The following USP22 variants were observed in gnomAD, a reference collection of about 807,000 sequenced individuals.
The protein encoded by USP22 is ubiquitin carboxyl-terminal hydrolase 22.
In USP22, 22 loss-of-function variants were observed where a neutral mutation model predicts 68.1. The ratio of observed to expected loss-of-function variants is 0.32; its 90% confidence interval spans 0.23 to 0.46. The LOEUF (loss-of-function observed/expected upper bound fraction) is 0.46, where lower values mean the gene tolerates loss of function less well. USP22 is among the 20% of genes least tolerant of loss of function. The probability of loss-of-function intolerance (pLI) is 1.00; values close to 1 mark genes in which losing one functional copy is unlikely to be tolerated. For missense variants in USP22, 433 were observed against 695.8 expected (o/e 0.62, Z 4.25); for synonymous variants, 279 against 274.2 (o/e 1.02, Z -0.17).
chr17:21,007,789 A>C (rs1185308742), intron 9 of USP22, 81 bp downstream of exon 9: 23 of 1,554,830 alleles, frequency 1.5e-5, no homozygotes, highest in Non-Finnish European at 1.9e-5. Flanking sequence ...ATGTAACTGC[A>C]CAGCAAACCA....
At chr17:21,011,378 G>A in intron 7 of USP22, 69 bp from the exon 8 acceptor site, 1 of 1,535,472 alleles carries the variant, frequency 6.5e-7, no homozygotes. Flanking sequence ...AACCCGGGGT[G>A]GAAGCCGTTC....
intron 1 of USP22, among the ~76,000 whole-genome samples, chr17:21,031,798 C>T (rs1972294599): frequency 6.6e-6 from 1 of 152,200 alleles, no homozygotes; most frequent in South Asian, 2.1e-4. Flanking sequence ...ACTACACAAC[C>T]TAGGATGCTC....
At chr17:21,009,973 A>T (rs111333780) in intron 8 of USP22, among the ~76,000 whole-genome samples, 35 of 79,244 alleles carry the variant, frequency 4.4e-4, no homozygotes, top group South Asian at 1.7e-3. Context: ...AAAAAAAATT[A>T]AAAAAAAAAA....
intron 7 of USP22, among the ~76,000 whole-genome samples, chr17:21,012,268 A>G (rs1406889319): frequency 1.3e-5 from 2 of 151,902 alleles, no homozygotes; most frequent in East Asian, 1.9e-4. Context: ...TGAAAAAAAC[A>G]AAAACAAAAA....
chr17:21,021,027 G>T, intron 3 of USP22, 86 bp downstream of exon 3: 1 of 1,086,740 alleles, frequency 9.2e-7, no homozygotes, highest in Non-Finnish European at 1.4e-6. Context: ...TCCCACCTAG[G>T]TACTTCTCTT....
intron 1 of USP22, among the ~76,000 whole-genome samples, chr17:21,030,394 G>A (rs1972274782): frequency 6.6e-6 from 1 of 151,972 alleles, no homozygotes; most frequent in Non-Finnish European, 1.5e-5. Context: ...GTGTATGTAT[G>A]TATGTATGTA....
At chr17:21,022,790 C>G (rs924270522) in intron 2 of USP22, among the ~76,000 whole-genome samples, 9 of 115,232 alleles carry the variant, frequency 7.8e-5, no homozygotes, top group African/African-American at 2.8e-4. Flanking sequence ...CAGAGCGAGA[C>G]TCCGTCTCAA....
intron 1 of USP22, among the ~76,000 whole-genome samples, chr17:21,033,617 CT>C (rs1168704929): frequency 6.6e-6 from 1 of 152,192 alleles, no homozygotes; most frequent in Non-Finnish European, 1.5e-5. Context: ...AGCTAGTGCA[CT>C]TTTCACACAT....
At chr17:21,024,390 G>GC (rs1362579267) in intron 2 of USP22, among the ~76,000 whole-genome samples, 1 of 152,104 alleles carries the variant, frequency 6.6e-6, no homozygotes, top group Non-Finnish European at 1.5e-5. Flanking sequence ...CCTTCACACT[G>GC]CAACGCTCCC....
intron 1 of USP22, among the ~76,000 whole-genome samples, chr17:21,038,270 C>G (rs2143653879): frequency 6.6e-6 from 1 of 151,154 alleles, no homozygotes; most frequent in Non-Finnish European, 1.5e-5. Flanking sequence ...TAGCACGTAT[C>G]AGGAAAATGA....
At chr17:21,023,977 T>G (rs1294276546) in intron 2 of USP22, among the ~76,000 whole-genome samples, 9 of 152,244 alleles carry the variant, frequency 5.9e-5, no homozygotes, top group Admixed American at 4.6e-4. Context: ...CTTAAGCTAC[T>G]ACGACTTATA....
chr17:21,028,464 TG>T, intron 2 of USP22, 77 bp downstream of exon 2: 1 of 1,566,448 alleles, frequency 6.4e-7, no homozygotes, highest in Non-Finnish European at 8.7e-7. Flanking sequence ...TTTGGAAGAG[TG>T]GAACTGCAAA....
intron 1 of USP22, among the ~76,000 whole-genome samples, chr17:21,039,015 G>A (rs749121222): frequency 4.9e-4 from 74 of 151,910 alleles, no homozygotes; most frequent in Non-Finnish European, 9.1e-4. Flanking sequence ...GCAGTGGTGC[G>A]ATCTCGGCTC....
intron 10 of USP22, chr17:21,006,528 CGTA>C (rs1228515926): frequency 2.1e-5 from 3 of 141,618 alleles, no homozygotes; most frequent in Non-Finnish European, 4.5e-5. Context: ...TTTTTTTAGA[CGTA>C]GTCTCGTTCT....
rs1913575177 is a variant in USP22, at chr17:21,001,486, A to G, written c.*1545T>C. ...AAAAATCTAAGTTTCTTGACACAGA[A>G]CAATATATGTCATTCAGATTTCTGT... On this transcript the variant is annotated 3_prime_UTR_variant, in exon 13 of 13. Transcript: ENST00000261497. 6.6e-6 allele frequency: 1 copy of G among 152,244 alleles called. No homozygotes were observed. The highest frequency in any genetic ancestry group is 1.5e-5 in the Non-Finnish European group (1 of 68,050). 9.4% of individuals were successfully genotyped at this position (152,244 alleles called of 1,614,324 possible).
intron 12 of USP22, among the ~76,000 whole-genome samples, chr17:21,003,900 C>CA (rs545524182): frequency 0.036 from 4,088 of 113,156 alleles, 69 homozygotes; most frequent in Non-Finnish European, 0.05. Flanking sequence ...AACTCCGTCT[C>CA]AAAAAAAAAA....
intron 1 of USP22, 127 bp downstream of exon 1, chr17:21,042,538 A>T: frequency 1.1e-6 from 1 of 894,042 alleles, no homozygotes; most frequent in South Asian, 4.2e-5. Flanking sequence ...AGAAGGAGAG[A>T]GGAAGAGGAA....
At chr17:21,038,288 T>C (rs1028400070) in intron 1 of USP22, among the ~76,000 whole-genome samples, 7 of 151,682 alleles carry the variant, frequency 4.6e-5, no homozygotes, top group Non-Finnish European at 7.4e-5. Context: ...TGAGCTAGAC[T>C]ATGAAAATAA....
chr17:21,017,462 G>C (rs1040875333), intron 5 of USP22, among the ~76,000 whole-genome samples: 2 of 152,240 alleles, frequency 1.3e-5, no homozygotes, highest in African/African-American at 4.8e-5. Flanking sequence ...AAGTGGACAG[G>C]AACGCCACAC....
Sources: allele counts gnomAD v4.1 joint callset (sites outside exome capture counted in the v4.1 genomes callset), GRCh38; gene constraint gnomAD v4.1.1; transcripts MANE v1.5; gene names NCBI Gene and HGNC (gene_info 2026-07-23, HGNC 2026-07-21).